KAZN: variants seen among roughly 807,000 people sequenced by gnomAD.
KAZN encodes kazrin, periplakin interacting protein, also known as kazrin.
A neutral mutation model predicts 87.4 loss-of-function variants in KAZN; 40 were observed. The observed-to-expected ratio is 0.46, with a 90% CI of 0.36 to 0.60. KAZN has a LOEUF of 0.60. Among genes scored for constraint, KAZN ranks in the 20% least tolerant of loss-of-function variants. The pLI is 0.00. For synonymous variants in KAZN, 466 were observed against 458.3 expected (o/e 1.02, Z -0.22); for missense variants, 898 against 1,073.9 (o/e 0.84, Z 2.29).
intron 2 of KAZN, among the ~76,000 whole-genome samples, chr1:14,470,528 G>A (rs925990061): frequency 1.4e-4 from 22 of 152,206 alleles, no homozygotes; most frequent in African/African-American, 5.1e-4. Flanking sequence ...GTTGCACTAA[G>A]TGAAGAGTTT....
chr1:14,578,557 T>G (rs1005823117), intron 2 of KAZN, among the ~76,000 whole-genome samples: 12 of 152,186 alleles, frequency 7.9e-5, no homozygotes, highest in African/African-American at 2.9e-4. Flanking sequence ...TATGTCCTTT[T>G]AGATTCTGGG....
chr1:14,668,941 A>G, intron 1 of KAZN, among the ~76,000 whole-genome samples: 1 of 152,266 alleles, frequency 6.6e-6, no homozygotes, highest in East Asian at 1.9e-4. Flanking sequence ...TACATAGAAT[A>G]GAAACCATGC....
chr1:14,103,698 G>A (rs75225888), intron 1 of KAZN, among the ~76,000 whole-genome samples: 3,074 of 152,212 alleles, frequency 0.02, 91 homozygotes, highest in South Asian at 0.067. Flanking sequence ...TGCATTTTAA[G>A]GGACTCTTGT....
At chr1:14,760,101 C>G (rs1257838608) in intron 1 of KAZN, among the ~76,000 whole-genome samples, 1 of 152,106 alleles carries the variant, frequency 6.6e-6, no homozygotes, top group African/African-American at 2.4e-5. Context: ...ACTTACACTC[C>G]AAGTTGGTTC....
intron 2 of KAZN, among the ~76,000 whole-genome samples, chr1:14,974,339 A>G (rs1257105951): frequency 6.6e-6 from 1 of 152,222 alleles, no homozygotes. Context: ...ACCATCTGCC[A>G]TGGAGGGAAG....
intron 2 of KAZN, among the ~76,000 whole-genome samples, chr1:14,536,869 C>T (rs777860891): frequency 2.6e-4 from 40 of 151,602 alleles, no homozygotes; most frequent in Non-Finnish European, 5.3e-4. Context: ...GTGACACAAG[C>T]GAAACTCCGT....
chr1:14,773,042 G>T lies in KAZN; in HGVS notation c.226+173819G>T, dbSNP rs1645064663. Among the ~76,000 whole-genome samples, 1 of 152,102 alleles carries T rather than the reference G, an allele frequency of 6.6e-6. No individual in the cohort carries two copies. Among genetic ancestry groups the T allele is most frequent in the African/African-American group, 2.4e-5 (1 of 41,388 alleles). ...TGTCCACAGGCGGCCTCTTCATGGG[G>T]GTCTCAGGAAATGGGCATTTGAGGG... On this transcript the variant is annotated intron_variant, in intron 1 of 14. Coordinates refer to ENST00000376030, the MANE Select transcript of KAZN (RefSeq NM_201628.3). The surrounding 1 kb of genome is among the most constrained non-coding windows in gnomAD (Gnocchi z 5.9).
At chr1:14,652,634 CA>C (rs1638506172) in intron 1 of KAZN, among the ~76,000 whole-genome samples, 1 of 124,710 alleles carries the variant, frequency 8.0e-6, no homozygotes, top group Non-Finnish European at 1.7e-5. Context: ...CCCATCCACC[CA>C]CCCATCCATC....
chr1:15,041,125 A>AT (rs376156652), intron 3 of KAZN, among the ~76,000 whole-genome samples: 2,205 of 139,058 alleles, frequency 0.016, 46 homozygotes, highest in African/African-American at 0.051. Flanking sequence ...GAATTTTTGT[A>AT]TTTTTTTTTT....
intron 2 of KAZN, among the ~76,000 whole-genome samples, chr1:14,979,394 G>A (rs2101887001): frequency 6.6e-6 from 1 of 152,038 alleles, no homozygotes; most frequent in Admixed American, 6.5e-5. Flanking sequence ...GGGTGGCAGA[G>A]GGAGACTTCC....
At chr1:14,040,058 T>C (rs112808580) in intron 1 of KAZN, among the ~76,000 whole-genome samples, 16 of 151,726 alleles carry the variant, frequency 1.1e-4, no homozygotes, top group African/African-American at 3.9e-4. Context: ...CGTGTGTGTG[T>C]GTGCACGTGT....
At chr1:14,932,631 G>A (rs72871855) in intron 1 of KAZN, among the ~76,000 whole-genome samples, 4,310 of 152,130 alleles carry the variant, frequency 0.028, 199 homozygotes, top group East Asian at 0.092. Context: ...TCCAAGGCCC[G>A]TCTTAGCTTG....
rs70997135 is a variant in KAZN, at chr1:14,338,504, A to AAGAG, written c.249+157925_249+157928dup. Among the ~76,000 whole-genome samples the AAGAG allele has an allele frequency of 3.6e-3, 517 of 142,224 alleles. 5 individuals are homozygous for AAGAG. The highest frequency in any genetic ancestry group is 0.013 in the African/African-American group (495 of 36,746). The allele number at this position is 142,224 out of a possible 152,430, so 93.3% of individuals were successfully genotyped here. On this transcript the variant is annotated intron_variant, in intron 2 of 16. Transcript: ENST00000636203. ...CATCTTAGAGAAAAAAAAAAAAAAA[A>AAGAG]AGAGAGAGAGAGAGAGTGAGAGAGA...
chr1:14,427,208 G>A (rs1194385538), intron 2 of KAZN, among the ~76,000 whole-genome samples: 1 of 152,196 alleles, frequency 6.6e-6, no homozygotes, highest in Non-Finnish European at 1.5e-5. Flanking sequence ...GTGTCCTCAA[G>A]GCTGGGGTTC....
chr1:14,143,391 T>C (rs1314911347), intron 1 of KAZN, among the ~76,000 whole-genome samples: 4 of 152,210 alleles, frequency 2.6e-5, no homozygotes, highest in African/African-American at 9.6e-5. Context: ...GTTTCGTGTA[T>C]GTACCGCCCT....
At chr1:14,695,411 C>A (rs1641538041) in intron 1 of KAZN, among the ~76,000 whole-genome samples, 1 of 151,850 alleles carries the variant, frequency 6.6e-6, no homozygotes. Context: ...CTGCCCTCTG[C>A]CCAGAAGTGA....
intron 1 of KAZN, among the ~76,000 whole-genome samples, chr1:13,985,879 A>G (rs145676123): frequency 2.1e-3 from 318 of 152,336 alleles, no homozygotes; most frequent in African/African-American, 7.4e-3. Context: ...TAATTTCCAG[A>G]TAATATTCCA....
chr1:13,952,542 T>C (rs1449409254), intron 1 of KAZN, among the ~76,000 whole-genome samples: 1 of 152,076 alleles, frequency 6.6e-6, no homozygotes, highest in East Asian at 1.9e-4. Flanking sequence ...TTGGCTTTAT[T>C]GACTCAGGGA....
chr1:14,042,863 C>T (rs1641901075), intron 1 of KAZN, among the ~76,000 whole-genome samples: 1 of 152,130 alleles, frequency 6.6e-6, no homozygotes, highest in African/African-American at 2.4e-5. Flanking sequence ...TGCTTACGTA[C>T]CTGGCCTTAA....
Sources: gnomAD v4.1 joint callset for allele counts (sites outside exome capture counted in the v4.1 genomes callset) on GRCh38, gnomAD v4.1.1 for gene constraint, Gnocchi (gnomAD v3.1) non-coding constraint, MANE v1.5 for transcripts, NCBI Gene and HGNC (gene_info 2026-07-23, HGNC 2026-07-21) for gene names.